The following DYSF variants were observed in gnomAD, a reference collection of about 807,000 sequenced individuals.
The protein encoded by DYSF is dysferlin.
DYSF carries 212 observed loss-of-function variants against 274.9 expected under a neutral mutation model. The ratio of observed to expected loss-of-function variants is 0.77; its 90% CI spans 0.69 to 0.86. DYSF has a LOEUF of 0.86. DYSF is among the 40% of genes least tolerant of loss of function. The probability of loss-of-function intolerance (pLI) is 0.00; values close to 1 mark genes in which losing one functional copy is unlikely to be tolerated. For synonymous variants in DYSF, 1,091 were observed against 1,078.7 expected (o/e 1.01, Z -0.22); for missense variants, 2,666 against 2,783.2 (o/e 0.96, Z 0.95).
At chr2:71,458,766 G>A (rs2152628654) in intron 1 of DYSF, among the ~76,000 whole-genome samples, 1 of 152,288 alleles carries the variant, frequency 6.6e-6, no homozygotes. Context: ...CCCAAGCACT[G>A]TGCTGGAGTT....
intron 30 of DYSF, among the ~76,000 whole-genome samples, chr2:71,577,627 C>G (rs556314379): frequency 6.6e-6 from 1 of 151,990 alleles, no homozygotes; most frequent in South Asian, 2.1e-4. Flanking sequence ...TTCTGACATA[C>G]ACTCTCTTAC....
chr2:71,603,179 T>G (rs886607030), intron 36 of DYSF, among the ~76,000 whole-genome samples: 3 of 152,200 alleles, frequency 2.0e-5, no homozygotes, highest in African/African-American at 7.2e-5. Flanking sequence ...GTCAAATGTC[T>G]TTATGCCCAT....
chr2:71,655,678 T>G (rs908608644), intron 42 of DYSF, among the ~76,000 whole-genome samples: 13 of 152,258 alleles, frequency 8.5e-5, no homozygotes, highest in African/African-American at 2.9e-4. Context: ...TATGTGAACA[T>G]TTTTACTTGA....
At chr2:71,455,524 CTT>C (rs1558907455) in intron 1 of DYSF, among the ~76,000 whole-genome samples, 1 of 152,222 alleles carries the variant, frequency 6.6e-6, no homozygotes, top group East Asian at 1.9e-4. Flanking sequence ...ACATGGGAGT[CTT>C]TCATGCTTCC....
chr2:71,480,931 G>A lies in DYSF; in HGVS notation c.140G>A (p.Trp47Ter), dbSNP rs2152680592. 6.2e-7 allele frequency: 1 copy of A among 1,614,092 alleles called. No individual in the cohort carries two copies. The highest frequency in any genetic ancestry group is 2.2e-5 in the East Asian group (1 of 44,880). The part of the protein sequence containing the change: ...KVIKNSVNPV[W>*]NEGFEWDLKG... ...ATCAAGAACAGCGTGAACCCTGTAT[G>A]GAATGAGGTATGTGAGTTTTTCTCC... The change falls in exon 2 of 56, where the codon TGG (tryptophan) becomes TAG (stop). Residue 47 changes from tryptophan to a stop codon, truncating the protein, a stop_gained. Transcript: ENST00000410020. LOFTEE classifies it high-confidence loss of function.
intron 30 of DYSF, among the ~76,000 whole-genome samples, chr2:71,575,785 T>TTG (rs1287437930): frequency 3.3e-5 from 5 of 152,148 alleles, no homozygotes; most frequent in Admixed American, 2.0e-4. Flanking sequence ...GAAAAGTGGT[T>TTG]TGTGGGCTCA....
intron 17 of DYSF, among the ~76,000 whole-genome samples, chr2:71,541,680 C>T (rs1298097125): frequency 3.3e-5 from 5 of 151,866 alleles, no homozygotes; most frequent in African/African-American, 1.2e-4. Context: ...AGTATGGTTT[C>T]TGCCTTCTGT....
At chr2:71,553,322 C>A in intron 20 of DYSF, 134 bp downstream of exon 20, 1 of 1,280,300 alleles carries the variant, frequency 7.8e-7, no homozygotes. Flanking sequence ...CAAACCTGTT[C>A]CAGCTGTCCC....
chr2:71,613,394 C>A lies in DYSF; in HGVS notation c.4448C>A (p.Pro1483His). The part of the protein sequence containing the change: ...DVLIDIDDKE[P>H]LIPIQLADGL... ...CTCATCGACATTGATGACAAGGAGCCCCTCATCCCCATCCAGGTAGGATGG... is the reference window on the plus strand; with the variant it reads ...CTCATCGACATTGATGACAAGGAGCACCTCATCCCCATCCAGGTAGGATGG... Residue 1483 changes from proline (P) to histidine (H), a missense_variant, in exon 40 of 56, where the codon CCC becomes CAC. Physicochemically the swap from Pro to His is moderately conservative, Grantham distance 77. Transcript: ENST00000410020. 1 of 1,613,114 alleles carries A rather than the reference C, an allele frequency of 6.2e-7. No individual in the cohort carries two copies. Among genetic ancestry groups the A allele is most frequent in the Non-Finnish European group, 8.5e-7 (1 of 1,179,636 alleles).
At chr2:71,504,115 G>A (rs908201105) in intron 4 of DYSF, among the ~76,000 whole-genome samples, 5 of 152,256 alleles carry the variant, frequency 3.3e-5, no homozygotes, top group African/African-American at 4.8e-5. Context: ...GGAAGTAGCC[G>A]GTCTGGGCAG....
At chr2:71,519,380 G>GTAA (rs2086989386) in intron 10 of DYSF, among the ~76,000 whole-genome samples, 1 of 151,990 alleles carries the variant, frequency 6.6e-6, no homozygotes, top group South Asian at 2.1e-4. Context: ...AATTATAAAA[G>GTAA]TAATCTATGA....
chr2:71,479,822 C>A (rs76244079), intron 1 of DYSF, among the ~76,000 whole-genome samples: 394 of 152,326 alleles, frequency 2.6e-3, no homozygotes, highest in Non-Finnish European at 4.9e-3. Flanking sequence ...GCCCTCCCAG[C>A]CACATAGAGC....
At chr2:71,586,988 A>G (rs1574183988) in intron 30 of DYSF, among the ~76,000 whole-genome samples, 2 of 152,300 alleles carry the variant, frequency 1.3e-5, no homozygotes, top group South Asian at 2.1e-4. Context: ...CCCAGCAGCT[A>G]GAGGTGCTGA....
intron 7 of DYSF, 128 bp downstream of exon 7, chr2:71,514,049 G>A: frequency 3.6e-6 from 4 of 1,101,512 alleles, no homozygotes; most frequent in Non-Finnish European, 5.4e-6. Context: ...TCCTGTGGGG[G>A]AATCTGTAGT....
intron 17 of DYSF, among the ~76,000 whole-genome samples, chr2:71,550,481 C>T (rs2090858155): frequency 6.6e-6 from 1 of 152,172 alleles, no homozygotes; most frequent in Non-Finnish European, 1.5e-5. Context: ...CTGGGGGCTA[C>T]CCTAGGGAGG....
intron 1 of DYSF, 76 bp from the exon 2 acceptor site, chr2:71,480,807 C>A: frequency 7.2e-7 from 1 of 1,391,424 alleles, no homozygotes; most frequent in Admixed American, 1.7e-5. Flanking sequence ...GCACAGGTCT[C>A]AGAAGCTGAG....
intron 32 of DYSF, among the ~76,000 whole-genome samples, chr2:71,597,082 G>A (rs896841035): frequency 1.3e-5 from 2 of 152,188 alleles, no homozygotes; most frequent in South Asian, 2.1e-4. Context: ...TTGTGGCCAG[G>A]GAGCCTGTCT....
chr2:71,642,600 CGGGTAAG>C (rs1428360939), intron 41 of DYSF, among the ~76,000 whole-genome samples: 1 of 152,186 alleles, frequency 6.6e-6, no homozygotes, highest in Non-Finnish European at 1.5e-5. Context: ...GAAGACCCTC[CGGGTAAG>C]TGGGTCTGGT....
chr2:71,510,185 G>A (rs2085939194), intron 4 of DYSF, among the ~76,000 whole-genome samples: 1 of 152,218 alleles, frequency 6.6e-6, no homozygotes, highest in East Asian at 1.9e-4. Context: ...CCTGGAAGTA[G>A]TTATTTCTCC....
Sources: allele counts gnomAD v4.1 joint callset (sites outside exome capture counted in the v4.1 genomes callset), GRCh38; gene constraint gnomAD v4.1.1; transcripts MANE v1.5; gene names NCBI Gene and HGNC (gene_info 2026-07-23, HGNC 2026-07-21).